CAMKMT: variants seen among roughly 807,000 people sequenced by gnomAD.
The protein encoded by CAMKMT is calmodulin-lysine N-methyltransferase.
Under a neutral mutation model 48.0 loss-of-function variants are expected in CAMKMT, and 53 were observed. The observed-to-expected ratio is 1.10, with a 90% CI of 0.89 to 1.39. The LOEUF (loss-of-function observed/expected upper bound fraction) is 1.39, where lower values mean the gene tolerates loss of function less well. Ranked by LOEUF, CAMKMT falls within the 40% of genes most tolerant of loss-of-function variation. The probability of loss-of-function intolerance (pLI) is 0.00; values close to 1 mark genes in which losing one functional copy is unlikely to be tolerated. For synonymous variants in CAMKMT, 165 were observed against 152.3 expected (o/e 1.08, Z -0.61); for missense variants, 428 against 402.7 (o/e 1.06, Z -0.54).
intron 2 of CAMKMT, 89 bp from the exon 3 acceptor site, chr2:44,390,152 A>G (rs1277266072): frequency 2.2e-6 from 2 of 920,930 alleles, no homozygotes; most frequent in Non-Finnish European, 3.4e-6. Flanking sequence ...TGGGTATACC[A>G]TAATATACAG....
intron 10 of CAMKMT, 137 bp from the exon 11 acceptor site, chr2:44,771,894 TTTGAG>T (rs1681129362): frequency 1.9e-6 from 1 of 517,412 alleles, no homozygotes; most frequent in Non-Finnish European, 3.5e-6. Context: ...TGAGAACTAC[TTTGAG>T]TTGCTTTTCT....
At chr2:44,416,568 A>ATTTTTTTTTTTTTTTTTTTTTT (rs34882377) in intron 3 of CAMKMT, among the ~76,000 whole-genome samples, 1 of 80,274 alleles carries the variant, frequency 1.2e-5, no homozygotes, top group Admixed American at 1.6e-4. Context: ...ACTTAGCATG[A>ATTTTTTTTTTTTTTTTTTTTTT]TTTTTTTTTT....
At chr2:44,470,936 A>T (rs1013103573) in intron 3 of CAMKMT, among the ~76,000 whole-genome samples, 1 of 147,596 alleles carries the variant, frequency 6.8e-6, no homozygotes, top group African/African-American at 2.5e-5. Context: ...CTCTTTGAAT[A>T]TTAGGAATAT....
At chr2:44,622,542 A>G (rs191715718) in intron 3 of CAMKMT, among the ~76,000 whole-genome samples, 326 of 152,130 alleles carry the variant, frequency 2.1e-3, no homozygotes, top group African/African-American at 7.4e-3. Flanking sequence ...CCATCTTTGA[A>G]TCTGTGTGTA....
At chr2:44,509,751 A>G (rs1422943610) in intron 3 of CAMKMT, among the ~76,000 whole-genome samples, 3 of 152,130 alleles carry the variant, frequency 2.0e-5, no homozygotes, top group Non-Finnish European at 4.4e-5. Flanking sequence ...AGTTGTCACT[A>G]TTGTAGAACT....
intron 3 of CAMKMT, among the ~76,000 whole-genome samples, chr2:44,446,501 A>G (rs527676940): frequency 2.6e-5 from 4 of 151,892 alleles, no homozygotes; most frequent in Admixed American, 2.0e-4. Context: ...GTGTGCCACC[A>G]TGTCCAGCTA....
At chr2:44,476,387 T>A (rs1169177337) in intron 3 of CAMKMT, among the ~76,000 whole-genome samples, 1 of 152,176 alleles carries the variant, frequency 6.6e-6, no homozygotes, top group Admixed American at 6.5e-5. Context: ...TATAACATAT[T>A]CTTAAAATGG....
chr2:44,733,526 A>C (rs1313155859), intron 7 of CAMKMT, among the ~76,000 whole-genome samples: 3 of 152,210 alleles, frequency 2.0e-5, no homozygotes, highest in African/African-American at 7.2e-5. Flanking sequence ...TGACGTTAGG[A>C]AGAAAGCATC....
At chr2:44,513,163 C>A (rs768263441) in intron 3 of CAMKMT, among the ~76,000 whole-genome samples, 1 of 152,090 alleles carries the variant, frequency 6.6e-6, no homozygotes, top group African/African-American at 2.4e-5. Flanking sequence ...GCCCTCAGGC[C>A]GCTCTTCTGT....
chr2:44,725,644 G>T (rs1678738176), intron 7 of CAMKMT, among the ~76,000 whole-genome samples: 1 of 152,090 alleles, frequency 6.6e-6, no homozygotes. Flanking sequence ...GGGCATTCCT[G>T]GTATAAAAGG....
chr2:44,678,434 A>G (rs1010332698), intron 3 of CAMKMT, among the ~76,000 whole-genome samples: 2 of 152,192 alleles, frequency 1.3e-5, no homozygotes, highest in African/African-American at 4.8e-5. Context: ...AGTGAACAGC[A>G]TGACCACCCT....
chr2:44,671,399 A>C (rs1675317496), intron 3 of CAMKMT, among the ~76,000 whole-genome samples: 1 of 152,242 alleles, frequency 6.6e-6, no homozygotes, highest in Non-Finnish European at 1.5e-5. Context: ...TACACTGCAA[A>C]AATTAAATTA....
chr2:44,438,584 T>C (rs1666430488), intron 3 of CAMKMT, among the ~76,000 whole-genome samples: 1 of 152,194 alleles, frequency 6.6e-6, no homozygotes, highest in African/African-American at 2.4e-5. Context: ...AGGCTCTTAA[T>C]GCAGTATAGA....
rs1672789360 is a variant in CAMKMT, at chr2:44,631,062, C to G, written c.377-73221C>G. ...CATGTATACACCATGGAATACTATG[C>G]AGCCATAAAAAATGATGAGTTCATG... On this transcript the variant is annotated intron_variant, in intron 3 of 10. Coordinates refer to ENST00000378494, the MANE Select transcript of CAMKMT (RefSeq NM_024766.5). Among the ~76,000 whole-genome samples, 5 of 152,296 alleles carry G rather than the reference C, an allele frequency of 3.3e-5. No individual in the cohort carries two copies. In the South Asian group the frequency reaches 8.3e-4, roughly 25 times the overall value.
intron 6 of CAMKMT, among the ~76,000 whole-genome samples, chr2:44,712,327 T>C (rs1023697806): frequency 2.6e-5 from 4 of 152,126 alleles, no homozygotes; most frequent in African/African-American, 9.7e-5. Flanking sequence ...ATCTTCTTGC[T>C]TAAACAACAT....
intron 3 of CAMKMT, among the ~76,000 whole-genome samples, chr2:44,569,119 C>T (rs1359277837): frequency 6.6e-6 from 1 of 152,160 alleles, no homozygotes; most frequent in East Asian, 1.9e-4. Context: ...GAATAAAAAT[C>T]ATGCTGTCCT....
chr2:44,751,563 G>A (rs1251558015), intron 8 of CAMKMT, among the ~76,000 whole-genome samples: 2 of 152,176 alleles, frequency 1.3e-5, no homozygotes, highest in Non-Finnish European at 2.9e-5. Flanking sequence ...AGCTCAGTGA[G>A]TATTAACTGT....
chr2:44,713,934 C>T (rs1351969907), intron 6 of CAMKMT, among the ~76,000 whole-genome samples: 2 of 152,114 alleles, frequency 1.3e-5, no homozygotes, highest in East Asian at 3.9e-4. Flanking sequence ...TTGGTGTCCT[C>T]CCCATGGGCC....
chr2:44,728,545 G>A (rs1025647747), intron 7 of CAMKMT, among the ~76,000 whole-genome samples: 5 of 152,122 alleles, frequency 3.3e-5, no homozygotes, highest in African/African-American at 1.2e-4. Flanking sequence ...AATCCATCTG[G>A]TCCAGGGCTT....
Sources: allele counts gnomAD v4.1 joint callset (sites outside exome capture counted in the v4.1 genomes callset), GRCh38; gene constraint gnomAD v4.1.1; transcripts MANE v1.5; gene names NCBI Gene and HGNC (gene_info 2026-07-23, HGNC 2026-07-21).